FRAS1: variants seen among roughly 807,000 people sequenced by gnomAD.
FRAS1 encodes Fraser extracellular matrix complex subunit 1.
FRAS1 carries 290 observed loss-of-function variants against 435.2 expected under a neutral mutation model. That is an observed-to-expected ratio of 0.67 (90% CI 0.61 to 0.73). FRAS1 has a LOEUF of 0.73. FRAS1 is among the 30% of genes least tolerant of loss of function. The pLI is 0.00. For missense variants in FRAS1, 4,860 were observed against 5,001.5 expected, an observed-to-expected ratio of 0.97 and a Z score of 0.85; for synonymous variants, 1,800 against 1,851.0, an observed-to-expected ratio of 0.97 and a Z score of 0.71.
chr4:78,238,928 C>T (rs1336079075), intron 3 of FRAS1, among the ~76,000 whole-genome samples: 2 of 152,078 alleles, frequency 1.3e-5, no homozygotes, highest in Admixed American at 1.3e-4. Flanking sequence ...GTGGCTTTTA[C>T]ATTTTGAAAT....
chr4:78,318,961 C>T lies in FRAS1; in HGVS notation c.2112C>T (p.Tyr704=), dbSNP rs548329630. 13 of 1,613,756 alleles carry T rather than the reference C, an allele frequency of 8.1e-6. No homozygotes were observed. The East Asian group carries it at 2.9e-4, about 36-fold the overall frequency. Residue 704 remains tyrosine, a synonymous_variant, in exon 18 of 74, where the codon TAC becomes TAT. Coordinates refer to ENST00000512123, the MANE Select transcript of FRAS1 (RefSeq NM_025074.7). ...TAGCCCAGTGTAGAGCCCATTTTTACTTGGAGAGCACTGGCATATGTGAAG... is the reference window on the plus strand; with the variant it reads ...TAGCCCAGTGTAGAGCCCATTTTTATTTGGAGAGCACTGGCATATGTGAAG... ...ECLAQCRAHF[Y]LESTGICEAC...
At chr4:78,248,578 T>A (rs892901625) in intron 4 of FRAS1, among the ~76,000 whole-genome samples, 2 of 152,296 alleles carry the variant, frequency 1.3e-5, no homozygotes, top group African/African-American at 4.8e-5. Flanking sequence ...AATTTATGTG[T>A]ATGAGGCAAG....
rs899155939 is a variant in FRAS1, at chr4:78,247,913, A to G, written c.309+2588A>G. ...GGATTTAGGATAGATTCGGTGTGGC[A>G]GGAGGGGAGGCAGTTGAAGTGATAC... On this transcript the variant is annotated intron_variant, in intron 4 of 73. Transcript: ENST00000512123. Among the ~76,000 whole-genome samples, 6 of 152,316 alleles carry G rather than the reference A, an allele frequency of 3.9e-5. No homozygotes were observed. In the South Asian group the frequency reaches 6.2e-4, roughly 16 times the overall value.
At chr4:78,373,404 G>A (rs1731591523) in intron 24 of FRAS1, among the ~76,000 whole-genome samples, 2 of 150,840 alleles carry the variant, frequency 1.3e-5, no homozygotes, top group South Asian at 2.1e-4. Flanking sequence ...GATGAACCAC[G>A]AAAGGTTGAC....
At chr4:78,342,298 C>T (rs1381271650) in intron 20 of FRAS1, among the ~76,000 whole-genome samples, 1 of 152,212 alleles carries the variant, frequency 6.6e-6, no homozygotes, top group Non-Finnish European at 1.5e-5. Context: ...ATCCAGCACA[C>T]CGCCAAGAGT....
Position 78,432,434 on chromosome 4 carries a change from A to T in FRAS1, c.5047A>T (p.Ser1683Cys). ...TGATGGTTCCTCTACCCGGGAAGAC[A>T]GCATGGAGATCTCAGTCACAGATGG... ...IHDGSSTRED[S>C]MEISVTDGLT... The change falls in exon 38 of 74, where the codon AGC becomes TGC. Residue 1683 changes from serine to cysteine, a missense_variant. Coordinates refer to ENST00000512123, the MANE Select transcript of FRAS1 (RefSeq NM_025074.7). 6.2e-7 allele frequency: 1 copy of T among 1,612,998 alleles called. No homozygotes were observed. The highest frequency in any genetic ancestry group is 1.1e-5 in the South Asian group (1 of 90,728).
intron 35 of FRAS1, among the ~76,000 whole-genome samples, chr4:78,426,486 G>A (rs1232327635): frequency 2.0e-5 from 3 of 152,098 alleles, no homozygotes; most frequent in Admixed American, 6.6e-5. Flanking sequence ...GGAGAGTTTT[G>A]TGAGAGAGAA....
intron 20 of FRAS1, among the ~76,000 whole-genome samples, chr4:78,362,158 A>T (rs1183005820): frequency 6.6e-6 from 1 of 152,206 alleles, no homozygotes; most frequent in African/African-American, 2.4e-5. Context: ...GGTCATAAAA[A>T]TGACTTTTCA....
At chr4:78,499,535 T>C (rs1178323988) in intron 60 of FRAS1, among the ~76,000 whole-genome samples, 186 bp from the exon 61 acceptor site, 1 of 152,208 alleles carries the variant, frequency 6.6e-6, no homozygotes, top group Non-Finnish European at 1.5e-5. Context: ...CACAAATAAA[T>C]AATTTTTTCC....
intron 47 of FRAS1, among the ~76,000 whole-genome samples, chr4:78,456,138 C>CTTTTTTTTTCTTTTTTT (rs1719187825): frequency 3.9e-5 from 2 of 51,486 alleles, no homozygotes; most frequent in Non-Finnish European, 8.2e-5. Context: ...ACACATGTCA[C>CTTTTTTTTTCTTTTTTT]TTTTTTTTTT....
intron 2 of FRAS1, among the ~76,000 whole-genome samples, chr4:78,220,472 A>G (rs1724005781): frequency 6.6e-6 from 1 of 152,204 alleles, no homozygotes; most frequent in African/African-American, 2.4e-5. Flanking sequence ...GTTACAAGAG[A>G]CCAAATGGCC....
At chr4:78,195,566 C>T (rs1010497319) in intron 2 of FRAS1, among the ~76,000 whole-genome samples, 18 of 152,174 alleles carry the variant, frequency 1.2e-4, no homozygotes, top group Non-Finnish European at 2.4e-4. Context: ...TAGGACCCTT[C>T]GAGCCAGGCG....
At chr4:78,105,655 T>C (rs1435236854) in intron 2 of FRAS1, among the ~76,000 whole-genome samples, 1 of 152,048 alleles carries the variant, frequency 6.6e-6, no homozygotes, top group Non-Finnish European at 1.5e-5. Flanking sequence ...ACAGGGGAAA[T>C]GTACAACTGT....
intron 56 of FRAS1, 107 bp downstream of exon 56, chr4:78,479,825 C>A: frequency 1.2e-6 from 1 of 828,980 alleles, no homozygotes; most frequent in Non-Finnish European, 1.8e-6. Flanking sequence ...GAATGCCATT[C>A]CTCAGGGATA....
In FRAS1 at chr4:78,150,258, T is replaced by A. The variant is rs114280048; in HGVS notation, c.108+84242T>A. On this transcript the variant is annotated intron_variant, in intron 2 of 73. Coordinates refer to ENST00000512123, the MANE Select transcript of FRAS1 (RefSeq NM_025074.7). Reference sequence around the variant, plus strand: ...TGCTTTTAAGCAAGAGTGCTAAATTTTGGACAAGATAAGTAGTTTTCAAAC... The same window carrying A: ...TGCTTTTAAGCAAGAGTGCTAAATTATGGACAAGATAAGTAGTTTTCAAAC... 1.0e-2 allele frequency among the ~76,000 whole-genome samples: 1,520 copies of A among 152,302 alleles called. 28 individuals carry two copies. The highest frequency in any genetic ancestry group is 0.035 in the African/African-American group (1,435 of 41,580).
intron 11 of FRAS1, 29 bp from the exon 12 acceptor site, chr4:78,282,791 A>G (rs1038302020): frequency 2.5e-6 from 4 of 1,611,358 alleles, no homozygotes; most frequent in Admixed American, 3.3e-5. Context: ...CATCCTGATG[A>G]CAATGCTGTT....
intron 61 of FRAS1, among the ~76,000 whole-genome samples, chr4:78,501,978 A>G (rs963640815): frequency 2.6e-5 from 4 of 152,172 alleles, no homozygotes; most frequent in African/African-American, 9.7e-5. Context: ...TTAAGTAGGG[A>G]ATTATTTCCC....
chr4:78,249,149 A>G lies in FRAS1; in HGVS notation c.310-3243A>G, dbSNP rs935514009. On this transcript the variant is annotated intron_variant, in intron 4 of 73. Transcript: ENST00000512123. ...TGCATGCATAATCAATCCTCAGAAC[A>G]CTCACTCTGGGGAAGGAGGTGTCAC... is the stretch of plus-strand genomic sequence containing the variant. 2.2e-5 allele frequency among the ~76,000 whole-genome samples: 3 copies of G among 135,542 alleles called. No homozygotes were observed. In the South Asian group the frequency reaches 7.2e-4, roughly 33 times the overall value. 88.9% of individuals were successfully genotyped at this position (135,542 alleles called of 152,430 possible).
rs147322057 is a variant in FRAS1 at position 78,205,353 on chromosome 4, C to T, written c.109-32157C>T. Among the ~76,000 whole-genome samples, 908 of 152,202 alleles carry T rather than the reference C, an allele frequency of 6.0e-3. 12 individuals are homozygous for T. The highest frequency in any genetic ancestry group is 0.021 in the African/African-American group (862 of 41,532). ...TGTAGCTGAGACCACAGGCATGTGC[C>T]ACTACACCCAGCTAATTTTTTGTAG... On this transcript the variant is annotated intron_variant, in intron 2 of 73. Coordinates refer to ENST00000512123, the MANE Select transcript of FRAS1 (RefSeq NM_025074.7).
Sources: allele counts gnomAD v4.1 joint callset (sites outside exome capture counted in the v4.1 genomes callset), GRCh38; gene constraint gnomAD v4.1.1; transcripts MANE v1.5; gene names NCBI Gene and HGNC (gene_info 2026-07-23, HGNC 2026-07-21).